Variants in ASAH1 observed in about 807,000 individuals in gnomAD.
ASAH1 encodes the protein acid ceramidase.
In ASAH1, 70 loss-of-function variants were observed where a neutral mutation model predicts 59.5. The observed-to-expected ratio is 1.18, with a 90% confidence interval of 0.97 to 1.43. ASAH1 has a LOEUF of 1.43. Ranked by LOEUF, ASAH1 falls within the 40% of genes most tolerant of loss-of-function variation. The pLI is 0.00. For synonymous variants in ASAH1, 213 were observed against 166.5 expected (o/e 1.28, Z -2.15); for missense variants, 660 against 482.5 (o/e 1.37, Z -3.45).
chr8:18,073,986 A>G (rs1800284460), intron 2 of ASAH1, among the ~76,000 whole-genome samples: 2 of 152,368 alleles, frequency 1.3e-5, no homozygotes, highest in Middle Eastern at 3.4e-3. Context: ...GTAGGTATGT[A>G]TGCACATAGG....
intron 7 of ASAH1, chr8:18,062,865 G>GT: frequency 3.5e-6 from 1 of 282,206 alleles, no homozygotes; most frequent in East Asian, 8.8e-5. Context: ...ACAGTTCTGT[G>GT]TTCTTTTTTT....
chr8:18,084,301 T>G (rs114050279), upstream of ASAH1: 2,440 of 1,429,818 alleles, frequency 1.7e-3, 19 homozygotes, highest in African/African-American at 0.028. Flanking sequence ...AGAAGGAGAG[T>G]CGCGATCGCC....
chr8:18,079,873 T>C (rs966213513), intron 1 of ASAH1, among the ~76,000 whole-genome samples: 4 of 152,236 alleles, frequency 2.6e-5, no homozygotes, highest in Non-Finnish European at 5.9e-5. Context: ...CACATGAGCT[T>C]GAAAATGTTT....
chr8:18,084,469 T>C (rs1800813659), upstream of ASAH1: 1 of 1,306,240 alleles, frequency 7.7e-7, no homozygotes, highest in Non-Finnish European at 1.0e-6. Context: ...TACCCAGGCG[T>C]CCTCGGTACC....
chr8:18,073,703 C>T (rs1800270624), intron 2 of ASAH1, among the ~76,000 whole-genome samples: 1 of 152,166 alleles, frequency 6.6e-6, no homozygotes, highest in Admixed American at 6.5e-5. Context: ...CAAATCTACG[C>T]ACTTAATTGA....
chr8:18,060,512 T>C (rs1336667899), intron 10 of ASAH1: 4 of 152,250 alleles, frequency 2.6e-5, no homozygotes, highest in African/African-American at 7.2e-5. Context: ...ATGTAGGACT[T>C]AGAGAACAGA....
At chr8:18,074,094 T>A (rs34288580) in intron 2 of ASAH1, among the ~76,000 whole-genome samples, 1 of 152,016 alleles carries the variant, frequency 6.6e-6, no homozygotes, top group Non-Finnish European at 1.5e-5. Flanking sequence ...TAGACACATG[T>A]AAAGTGCACC....
At chr8:18,084,619 C>A, upstream of ASAH1, 4 of 1,607,696 alleles carry the variant, frequency 2.5e-6, no homozygotes, top group Non-Finnish European at 3.4e-6. Flanking sequence ...AGTTGAGTGG[C>A]CGAGGAGTGA....
At chr8:18,060,612 T>C (rs536891902) in intron 10 of ASAH1, 1 of 152,384 alleles carries the variant, frequency 6.6e-6, no homozygotes, top group African/African-American at 2.4e-5. Context: ...CCCTGGGAAG[T>C]ATTAAAAATA....
intron 1 of ASAH1, among the ~76,000 whole-genome samples, chr8:18,082,203 T>G (rs566336201): frequency 2.4e-4 from 36 of 152,358 alleles, no homozygotes; most frequent in African/African-American, 7.9e-4. Flanking sequence ...CTGTTCTAGA[T>G]AAGAACTATT....
At chr8:18,065,639 G>A (rs768087930) in intron 5 of ASAH1, 2 of 152,018 alleles carry the variant, frequency 1.3e-5, no homozygotes, top group Non-Finnish European at 2.9e-5. Flanking sequence ...AATGGCATGT[G>A]AGGTCTTCTC....
intron 7 of ASAH1, chr8:18,062,962 G>A (rs1411223752): frequency 3.0e-5 from 13 of 434,492 alleles, no homozygotes; most frequent in Admixed American, 1.5e-4. Flanking sequence ...CCTCCGCCTC[G>A]CAGGTTCAAA....
At chr8:18,063,471 T>TG in intron 6 of ASAH1, 5 of 113,468 alleles carry the variant, frequency 4.4e-5, no homozygotes, top group South Asian at 3.6e-4. Context: ...ACCTGGCTAC[T>TG]TTTTTTTTTT....
In ASAH1 at chr8:18,075,253, A is replaced by C. The variant is rs528047598; in HGVS notation, c.125+288T>G. Among the ~76,000 whole-genome samples, 26 of 152,244 alleles carry C rather than the reference A, an allele frequency of 1.7e-4. No homozygotes were observed. In the South Asian group the frequency reaches 5.4e-3, roughly 32 times the overall value. On this transcript the variant is annotated intron_variant, in intron 2 of 13. Coordinates refer to ENST00000637790, the MANE Select transcript of ASAH1 (RefSeq NM_177924.5). The stretch of plus-strand genomic sequence containing the variant: ...TATGATTTACCCGCCTCGGCCTCCC[A>C]AAGTGCTGGGATTACAGGCGTGAGC...
intron 1 of ASAH1, among the ~76,000 whole-genome samples, chr8:18,080,152 G>C (rs1270938447): frequency 6.6e-6 from 1 of 152,218 alleles, no homozygotes; most frequent in Non-Finnish European, 1.5e-5. Context: ...GGGTCTATGA[G>C]ATTTCTGGCA....
At chr8:18,079,388 C>T (rs1800555354) in intron 1 of ASAH1, among the ~76,000 whole-genome samples, 1 of 151,534 alleles carries the variant, frequency 6.6e-6, no homozygotes, top group Admixed American at 6.6e-5. Context: ...CTTTGAATGT[C>T]CTCCCCATTC....
intron 6 of ASAH1, chr8:18,064,112 T>C: frequency 2.2e-6 from 1 of 461,820 alleles, no homozygotes; most frequent in Non-Finnish European, 3.8e-6. Context: ...AGGACAGATG[T>C]CATGACATAC....
chr8:18,066,311 A>C (rs1799925489), intron 5 of ASAH1: 1 of 151,908 alleles, frequency 6.6e-6, no homozygotes, highest in South Asian at 2.1e-4. Flanking sequence ...TTCAGAATCC[A>C]TATATCTGAC....
intron 10 of ASAH1, 35 bp from the exon 11 acceptor site, chr8:18,059,738 T>G (rs1588974960): frequency 4.5e-6 from 7 of 1,542,492 alleles, no homozygotes; most frequent in Non-Finnish European, 6.1e-6. Context: ...AAATGAAACT[T>G]TTTTTTAATT....
Sources: allele counts gnomAD v4.1 joint callset (sites outside exome capture counted in the v4.1 genomes callset), GRCh38; gene constraint gnomAD v4.1.1; transcripts MANE v1.5; gene names NCBI Gene and HGNC (gene_info 2026-07-23, HGNC 2026-07-21).